Variants in EFCAB13 observed in about 807,000 individuals in gnomAD.
EFCAB13 encodes the protein EF-hand calcium binding domain 13, also known as EF-hand calcium-binding domain-containing protein 13.
EFCAB13 carries 91 observed loss-of-function variants against 110.2 expected under a neutral mutation model. The ratio of observed to expected loss-of-function variants is 0.83; its 90% CI spans 0.70 to 0.98. EFCAB13 has a LOEUF of 0.98. EFCAB13 is among the 50% of genes least tolerant of loss of function. The pLI is 0.00. For missense variants in EFCAB13, 968 were observed against 1,119.4 expected (o/e 0.86, Z 1.93); for synonymous variants, 323 against 369.9 (o/e 0.87, Z 1.45).
chr17:47,432,370 C>T (rs963231552), intron 24 of EFCAB13, among the ~76,000 whole-genome samples: 1 of 150,902 alleles, frequency 6.6e-6, no homozygotes, highest in African/African-American at 2.4e-5. Context: ...TGCACTCCAG[C>T]GTGGGCGACT....
At chr17:47,380,243 CT>C (rs1323648954) in intron 14 of EFCAB13, among the ~76,000 whole-genome samples, 3 of 152,004 alleles carry the variant, frequency 2.0e-5, no homozygotes, top group Non-Finnish European at 2.9e-5. Context: ...CCCCTACCCC[CT>C]GACAGGCCCC....
intron 23 of EFCAB13, 102 bp from the exon 24 acceptor site, chr17:47,429,716 C>A: frequency 7.4e-7 from 1 of 1,355,618 alleles, no homozygotes; most frequent in Non-Finnish European, 9.8e-7. Context: ...ATTCTAGAAT[C>A]AGATCTTCAT....
chr17:47,439,086 T>A (rs1837191136), intron 24 of EFCAB13, among the ~76,000 whole-genome samples: 1 of 152,092 alleles, frequency 6.6e-6, no homozygotes, highest in Non-Finnish European at 1.5e-5. Flanking sequence ...TAAACTCTCA[T>A]TGATATTATC....
In EFCAB13 at chr17:47,380,705, A is replaced by G. The variant is rs1431717034; in HGVS notation, c.1582+1452A>G. Among the ~76,000 whole-genome samples, 4 of 152,078 alleles carry G rather than the reference A, an allele frequency of 2.6e-5. No homozygotes were observed. The East Asian group carries it at 5.8e-4, about 22-fold the overall frequency. ...ATTTACATTCCCACCAACAGTGTAA[A>G]AGCGTTCCTATTTCTCCACATCCTC... On this transcript the variant is annotated intron_variant, in intron 14 of 24. Transcript: ENST00000331493.
At chr17:47,383,680 A>G (rs2065659113) in intron 14 of EFCAB13, among the ~76,000 whole-genome samples, 1 of 152,106 alleles carries the variant, frequency 6.6e-6, no homozygotes, top group Admixed American at 6.5e-5. Flanking sequence ...TTTGCTGAGG[A>G]GTATTTTGCT....
At chr17:47,376,754 T>G (rs1297772632) in intron 12 of EFCAB13, among the ~76,000 whole-genome samples, 1 of 152,218 alleles carries the variant, frequency 6.6e-6, no homozygotes, top group African/African-American at 2.4e-5. Context: ...AATTCCAGGA[T>G]CTAATCCAGA....
At chr17:47,413,394 A>G (rs553692135) in intron 22 of EFCAB13, among the ~76,000 whole-genome samples, 2 of 152,176 alleles carry the variant, frequency 1.3e-5, no homozygotes, top group Non-Finnish European at 2.9e-5. Flanking sequence ...GACTTCATGT[A>G]ATATGTACTT....
chr17:47,340,766 A>ATTTTTTTTTTT (rs58304526), intron 5 of EFCAB13, among the ~76,000 whole-genome samples: 1 of 53,992 alleles, frequency 1.9e-5, no homozygotes, highest in Admixed American at 2.4e-4. Flanking sequence ...CACCTGGCTA[A>ATTTTTTTTTTT]TTTTTTTTTT....
chr17:47,369,781 C>T (rs2065571080), intron 10 of EFCAB13: 1 of 152,304 alleles, frequency 6.6e-6, no homozygotes, highest in Non-Finnish European at 1.5e-5. Flanking sequence ...CATTTTCTAC[C>T]TCTGTGCACA....
At chr17:47,379,759 A>G (rs1211279747) in intron 14 of EFCAB13, among the ~76,000 whole-genome samples, 1 of 125,538 alleles carries the variant, frequency 8.0e-6, no homozygotes, top group African/African-American at 3.0e-5. Flanking sequence ...TTTTTATACA[A>G]ATGATTAAAT....
At chr17:47,354,196 CT>C (rs2065468221) in intron 9 of EFCAB13, among the ~76,000 whole-genome samples, 2 of 152,102 alleles carry the variant, frequency 1.3e-5, no homozygotes, top group South Asian at 4.1e-4. Flanking sequence ...TTGAGGGTTC[CT>C]TTTGGAGTTG....
intron 17 of EFCAB13, among the ~76,000 whole-genome samples, chr17:47,398,089 G>C (rs1245455433): frequency 6.8e-5 from 10 of 147,654 alleles, no homozygotes; most frequent in Non-Finnish European, 1.3e-4. Flanking sequence ...CGCCCGGCCA[G>C]CCGCCCCGTC....
intron 17 of EFCAB13, among the ~76,000 whole-genome samples, chr17:47,400,828 G>GCTACTGT (rs2065775037): frequency 6.6e-6 from 1 of 152,188 alleles, no homozygotes; most frequent in African/African-American, 2.4e-5. Flanking sequence ...ACTTTAAGCT[G>GCTACTGT]AGCTTTAAGC....
At chr17:47,374,330 TC>T in intron 11 of EFCAB13, 141 bp from the exon 12 acceptor site, 2 of 620,872 alleles carry the variant, frequency 3.2e-6, no homozygotes, top group Non-Finnish European at 2.5e-6. Context: ...GACTGTCAGT[TC>T]TTTAATTTTT....
At chr17:47,347,740 G>C in intron 8 of EFCAB13, 68 bp from the exon 9 acceptor site, 1 of 1,210,348 alleles carries the variant, frequency 8.3e-7, no homozygotes, top group Non-Finnish European at 1.1e-6. Context: ...ATTTTTTTGA[G>C]AGTGGGGGGA....
In EFCAB13 at chr17:47,377,763, T is replaced by C; in HGVS notation, c.1373-3T>C. The C allele has an allele frequency of 6.4e-7, 1 of 1,565,598 alleles. No individual in the cohort carries two copies. The highest frequency in any genetic ancestry group is 8.6e-7 in the Non-Finnish European group (1 of 1,163,256). On this transcript the variant is annotated splice_polypyrimidine_tract_variant and splice_region_variant and intron_variant, in intron 12 of 24. Transcript: ENST00000331493. The stretch of plus-strand genomic sequence containing the variant: ...AATAGTTCTCTACATTTTGTGTATT[T>C]AGAAAACTTCTGTGAAGCTATCAGT...
At chr17:47,348,315 C>T (rs1260753122) in intron 9 of EFCAB13, among the ~76,000 whole-genome samples, 2 of 151,824 alleles carry the variant, frequency 1.3e-5, no homozygotes, top group African/African-American at 4.8e-5. Flanking sequence ...AATTTACATC[C>T]AACTGTAAAC....
chr17:47,428,489 T>C (rs1905033754), intron 23 of EFCAB13, among the ~76,000 whole-genome samples: 1 of 152,104 alleles, frequency 6.6e-6, no homozygotes, highest in Non-Finnish European at 1.5e-5. Flanking sequence ...GTGCTTATCA[T>C]GTTATCATAA....
intron 23 of EFCAB13, among the ~76,000 whole-genome samples, chr17:47,426,930 T>C (rs1904982357): frequency 6.6e-6 from 1 of 152,144 alleles, no homozygotes. Context: ...TATAGTTTAC[T>C]ATCATAAGAA....
Sources: gnomAD v4.1 joint callset for allele counts (sites outside exome capture counted in the v4.1 genomes callset) on GRCh38, gnomAD v4.1.1 for gene constraint, MANE v1.5 for transcripts, NCBI Gene and HGNC (gene_info 2026-07-23, HGNC 2026-07-21) for gene names.